COL5A2: variants seen among roughly 807,000 people sequenced by gnomAD.
COL5A2 encodes collagen alpha-2(V) chain.
Under a neutral mutation model 208.2 loss-of-function variants are expected in COL5A2, and 23 were observed. The ratio of observed to expected loss-of-function variants is 0.11; its 90% CI spans 0.08 to 0.16. The LOEUF (loss-of-function observed/expected upper bound fraction) is 0.16, where lower values mean the gene tolerates loss of function less well. Ranked by LOEUF, COL5A2 falls within the 10% of genes least tolerant of loss-of-function variation. The pLI, the probability that COL5A2 is intolerant of heterozygous loss-of-function variation, is 1.00. For synonymous variants in COL5A2, 625 were observed against 628.5 expected (o/e 0.99, Z 0.08); for missense variants, 1,590 against 1,956.4 (o/e 0.81, Z 3.53).
At position 189,085,150 on chromosome 2, in the gene COL5A2, G is replaced by A. The variant is rs368165817; in HGVS notation, c.798+10C>T. 8.3e-5 allele frequency: 134 copies of A among 1,610,104 alleles called. No individual in the cohort carries two copies. The African/African-American group carries it at 1.6e-3, about 20-fold the overall frequency. On this transcript the variant is annotated intron_variant, in intron 11 of 53. Transcript: ENST00000374866. ...AAAACCTGAATGGAAAATGAGGAAA[G>A]GTAGCTTACATCTTCCCCAGGTTTA...
intron 24 of COL5A2, 67 bp downstream of exon 24, chr2:189,064,937 G>T: frequency 6.8e-7 from 1 of 1,463,984 alleles, no homozygotes; most frequent in South Asian, 1.2e-5. Context: ...CTAGATCACC[G>T]TGCTGAAAAA....
At chr2:189,413,659 C>T in the COL5A2 span, among the ~76,000 whole-genome samples, 1 of 152,010 alleles carries the variant, frequency 6.6e-6, no homozygotes, top group African/African-American at 2.4e-5. Context: ...AAGGAATTAG[C>T]GGCCGGGACA....
chr2:189,326,813 G>A, the COL5A2 span, among the ~76,000 whole-genome samples: 2 of 152,126 alleles, frequency 1.3e-5, no homozygotes, highest in East Asian at 1.9e-4. Flanking sequence ...GTTCACACCT[G>A]TAATCCAAGC....
At chr2:189,285,670 G>A in the COL5A2 span, among the ~76,000 whole-genome samples, 1 of 152,076 alleles carries the variant, frequency 6.6e-6, no homozygotes, top group African/African-American at 2.4e-5. Context: ...TTCTGATCAG[G>A]AACAATATCA....
chr2:189,092,078 C>A (rs892549778), intron 7 of COL5A2, among the ~76,000 whole-genome samples: 2 of 152,162 alleles, frequency 1.3e-5, no homozygotes, highest in Non-Finnish European at 2.9e-5. Flanking sequence ...CTAGAGCTGA[C>A]ATTGAGAAAT....
At chr2:189,045,657 T>C in intron 46 of COL5A2, 143 bp downstream of exon 46, 2 of 738,588 alleles carry the variant, frequency 2.7e-6, no homozygotes, top group South Asian at 1.5e-5. Context: ...CATATAGTAG[T>C]TCATAATTAG....
intron 35 of COL5A2, chr2:189,056,737 T>A (rs1238367166): frequency 5.2e-6 from 3 of 576,194 alleles, no homozygotes; most frequent in Non-Finnish European, 9.3e-6. Flanking sequence ...CCCATCCCCT[T>A]AAGGCACTTA....
At chr2:189,090,914 A>T (rs1686770809) in intron 7 of COL5A2, among the ~76,000 whole-genome samples, 1 of 152,210 alleles carries the variant, frequency 6.6e-6, no homozygotes, top group South Asian at 2.1e-4. Flanking sequence ...ATACAAGGAT[A>T]TTAATGTTGT....
intron 1 of COL5A2, among the ~76,000 whole-genome samples, chr2:189,201,703 A>G (rs1489079708): frequency 6.6e-6 from 1 of 152,024 alleles, no homozygotes; most frequent in Non-Finnish European, 1.5e-5. Context: ...ACAAAGCATT[A>G]CAAAAACAGC....
chr2:189,040,045 A>G (rs758324986), intron 50 of COL5A2, among the ~76,000 whole-genome samples: 17 of 152,166 alleles, frequency 1.1e-4, no homozygotes, highest in Non-Finnish European at 7.3e-5. Flanking sequence ...CCCACAAGAG[A>G]ATTATACTCC....
At chr2:189,414,139 T>C in the COL5A2 span, among the ~76,000 whole-genome samples, 1 of 152,108 alleles carries the variant, frequency 6.6e-6, no homozygotes, top group South Asian at 2.1e-4. Context: ...TTTTCAAAAA[T>C]GAAGTTACAG....
At chr2:189,117,840 G>T (rs1249878500) in intron 1 of COL5A2, among the ~76,000 whole-genome samples, 1 of 151,860 alleles carries the variant, frequency 6.6e-6, no homozygotes, top group Non-Finnish European at 1.5e-5. Flanking sequence ...AGCTCTGTGA[G>T]AACACATATA....
chr2:189,050,470 T>C lies in COL5A2; in HGVS notation c.3039+99A>G. Reference sequence around the variant, plus strand: ...TCAAAAATTAATGTCCCTACAATACTGTTTAAATCTATTCATCAAGCAAAA... The same window carrying C: ...TCAAAAATTAATGTCCCTACAATACCGTTTAAATCTATTCATCAAGCAAAA... On this transcript the variant is annotated intron_variant, in intron 43 of 53. Transcript: ENST00000374866. 2.1e-6 allele frequency: 2 copies of C among 971,920 alleles called. 1 individual carries two copies. The highest frequency in any genetic ancestry group is 5.2e-5 in the East Asian group (2 of 38,200). 60.2% of individuals were successfully genotyped at this position (971,920 alleles called of 1,614,324 possible).
At chr2:189,216,877 T>G (rs2105874018) in intron 1 of COL5A2, among the ~76,000 whole-genome samples, 1 of 152,174 alleles carries the variant, frequency 6.6e-6, no homozygotes, top group South Asian at 2.1e-4. Context: ...GAAACCTAAA[T>G]TTGCTGGAGG....
Position 189,052,977 on chromosome 2 carries a change from C to G in COL5A2, c.2595G>C (p.Glu865Asp), listed in dbSNP as rs746155819. Residue 865 changes from glutamate to aspartate, a missense_variant, in exon 39 of 54, where the codon GAG becomes GAC. Transcript: ENST00000374866. ...AACCAGCATCTCCCTTCTGTCCTGG[C>G]TCTCCAGGTTCACCTTTTACTCCAG... ...GQPGVKGEPG[E>D]PGQKGDAGSP... The G allele has an allele frequency of 2.5e-6, 4 of 1,614,068 alleles. No individual in the cohort carries two copies. Among genetic ancestry groups the G allele is most frequent in the Non-Finnish European group, 3.4e-6 (4 of 1,180,026 alleles).
the COL5A2 span, among the ~76,000 whole-genome samples, chr2:189,394,141 C>G: frequency 1.3e-5 from 2 of 152,092 alleles, no homozygotes; most frequent in Non-Finnish European, 2.9e-5. Flanking sequence ...AAGGGACTAT[C>G]CTTCTAGCAG....
At chr2:189,435,589 C>T in the COL5A2 span, among the ~76,000 whole-genome samples, 1 of 152,208 alleles carries the variant, frequency 6.6e-6, no homozygotes, top group Non-Finnish European at 1.5e-5. Context: ...ATCACCATCA[C>T]TGGCCATGAG....
At chr2:189,383,277 GCAGGATAGCCA>G in the COL5A2 span, among the ~76,000 whole-genome samples, 9 of 152,142 alleles carry the variant, frequency 5.9e-5, no homozygotes, top group Non-Finnish European at 1.3e-4. Flanking sequence ...TCTTTGGCTT[GCAGGATAGCCA>G]CCTTCTCACT....
the COL5A2 span, among the ~76,000 whole-genome samples, chr2:189,281,106 A>G: frequency 1.3e-5 from 2 of 152,164 alleles, no homozygotes; most frequent in African/African-American, 4.8e-5. Flanking sequence ...AAATTTGAAT[A>G]TTCATTATAT....
Sources: gnomAD v4.1 joint callset for allele counts (sites outside exome capture counted in the v4.1 genomes callset) on GRCh38, gnomAD v4.1.1 for gene constraint, MANE v1.5 for transcripts, NCBI Gene and HGNC (gene_info 2026-07-23, HGNC 2026-07-21) for gene names.